WNK3: variants seen among roughly 807,000 people sequenced by gnomAD.
WNK3 encodes WNK lysine deficient protein kinase 3, also known as serine/threonine-protein kinase WNK3.
A neutral mutation model predicts 116.7 loss-of-function variants in WNK3; 18 were observed. The ratio of observed to expected loss-of-function variants is 0.15; its 90% CI spans 0.11 to 0.23. The LOEUF is 0.23. Among genes scored for constraint, WNK3 ranks in the 10% least tolerant of loss-of-function variants. The pLI, the probability that WNK3 is intolerant of heterozygous loss-of-function variation, is 1.00. For synonymous variants in WNK3, 404 were observed against 469.4 expected (o/e 0.86, Z 1.80); for missense variants, 993 against 1,323.8 (o/e 0.75, Z 3.88).
At chrX:54,247,824 G>T (rs1382144987) in intron 17 of WNK3, among the ~76,000 whole-genome samples, 1 of 111,585 alleles carries the variant, frequency 9.0e-6, no homozygotes, top group Non-Finnish European at 1.9e-5. Context: ...AATGTTATAT[G>T]TATGTAAATA....
intron 7 of WNK3, among the ~76,000 whole-genome samples, chrX:54,295,641 A>G (rs782437255): frequency 3.6e-5 from 4 of 111,877 alleles, no homozygotes; most frequent in Non-Finnish European, 7.5e-5. Context: ...AGCACGCTGC[A>G]TCTCTGAAGG....
At chrX:54,303,525 C>T (rs2068790731) in intron 5 of WNK3, among the ~76,000 whole-genome samples, 1 of 110,874 alleles carries the variant, frequency 9.0e-6, no homozygotes, top group Non-Finnish European at 1.9e-5. Context: ...GTCATGCTAC[C>T]TCAAAAGACA....
intron 17 of WNK3, among the ~76,000 whole-genome samples, chrX:54,245,156 G>C: frequency 9.6e-6 from 1 of 103,940 alleles, no homozygotes; most frequent in Middle Eastern, 4.8e-3. Flanking sequence ...GTGTGTGTGT[G>C]TGTGTGTGTG....
chrX:54,253,473 C>T (rs782605230), intron 13 of WNK3, among the ~76,000 whole-genome samples: 6 of 110,806 alleles, frequency 5.4e-5, no homozygotes, highest in Non-Finnish European at 7.6e-5. Context: ...CACTACATTG[C>T]CTAGGCTGGT....
chrX:54,250,979 A>AT (rs1183688150), intron 15 of WNK3, among the ~76,000 whole-genome samples: 1 of 111,903 alleles, frequency 8.9e-6, no homozygotes, highest in African/African-American at 3.2e-5. Flanking sequence ...AAGTAGAAGC[A>AT]TATCATTCAT....
chrX:54,238,884 T>G (rs2067991786), exon 18 of WNK3: 1 of 1,179,052 alleles, frequency 8.5e-7, no homozygotes, highest in African/African-American at 1.8e-5. Flanking sequence ...GGACTTTTGA[T>G]CTCTTGAAAA....
At chrX:54,238,769 T>C (rs2067990486) in intron 18 of WNK3, 99 bp downstream of exon 18, 1 of 655,805 alleles carries the variant, frequency 1.5e-6, no homozygotes, top group African/African-American at 2.3e-5. Context: ...ACATGGGCTA[T>C]GTGGAAAAAG....
intron 10 of WNK3, 92 bp downstream of exon 10, chrX:54,292,796 T>C: frequency 1.1e-6 from 1 of 922,994 alleles, no homozygotes; most frequent in Non-Finnish European, 1.5e-6. Flanking sequence ...TAAACTATAA[T>C]GAATTTATAA....
At chrX:54,216,087 C>T (rs1285542391) in intron 22 of WNK3, among the ~76,000 whole-genome samples, 3 of 109,392 alleles carry the variant, frequency 2.7e-5, no homozygotes, top group African/African-American at 9.9e-5. Flanking sequence ...GCAGCATGCT[C>T]GTTAAGAGTC....
intron 22 of WNK3, among the ~76,000 whole-genome samples, chrX:54,216,829 T>C (rs1184059892): frequency 8.9e-6 from 1 of 112,055 alleles, no homozygotes; most frequent in Non-Finnish European, 1.9e-5. Context: ...CTAGCCCAGG[T>C]GTGAACCTTG....
intron 10 of WNK3, among the ~76,000 whole-genome samples, chrX:54,284,375 A>G (rs1557163447): frequency 9.0e-6 from 1 of 111,630 alleles, no homozygotes; most frequent in East Asian, 2.8e-4. Flanking sequence ...GAATAACTAA[A>G]ATTAAAAATG....
intron 17 of WNK3, among the ~76,000 whole-genome samples, chrX:54,242,534 A>G (rs1303809673): frequency 1.2e-4 from 13 of 112,704 alleles, no homozygotes; most frequent in African/African-American, 4.2e-4. Flanking sequence ...CTATAAAACT[A>G]CAGTAATCAA....
At chrX:54,295,263 C>T (rs2068686273) in intron 7 of WNK3, among the ~76,000 whole-genome samples, 2 of 109,167 alleles carry the variant, frequency 1.8e-5, no homozygotes, top group Non-Finnish European at 3.8e-5. Context: ...AACAGTTAAT[C>T]TGTTTCTATA....
Position 54,311,006 on chromosome X carries a change from C to A in WNK3, c.710+113G>T, listed in dbSNP as rs1186889368. On this transcript the variant is annotated intron_variant, in intron 3 of 23. Coordinates refer to ENST00000354646, the Ensembl canonical transcript of WNK3. ...GCTGGGATTACAGGTGTAGCCACTG[C>A]GCCTGGCCAGATTCTAAAAATTCTT... 8 of 539,296 alleles carry A rather than the reference C, an allele frequency of 1.5e-5. No individual in the cohort carries two copies. In the Admixed American group the frequency reaches 1.9e-4, roughly 13 times the overall value. 44.4% of individuals were successfully genotyped at this position (539,296 alleles called of 1,213,427 possible). A position where few individuals can be genotyped will look rare whatever the true frequency, so the allele number is the denominator to read the frequency against.
At chrX:54,281,646 T>C (rs2068517279) in intron 10 of WNK3, among the ~76,000 whole-genome samples, 1 of 111,935 alleles carries the variant, frequency 8.9e-6, no homozygotes, top group Non-Finnish European at 1.9e-5. Flanking sequence ...TTGATATTTA[T>C]AGATTCCACA....
chrX:54,213,130 G>A (rs1221553799), intron 22 of WNK3, among the ~76,000 whole-genome samples: 1 of 110,212 alleles, frequency 9.1e-6, no homozygotes, highest in Non-Finnish European at 1.9e-5. Flanking sequence ...ACAGGTGTGC[G>A]CTACCATGAC....
intron 10 of WNK3, among the ~76,000 whole-genome samples, chrX:54,259,818 T>C (rs1603384058): frequency 1.8e-5 from 2 of 111,786 alleles, no homozygotes; most frequent in African/African-American, 6.5e-5. Context: ...CAACATTGGC[T>C]TCCAGGAGAA....
chrX:54,334,646 T>C, intron 1 of WNK3, among the ~76,000 whole-genome samples: 1 of 110,629 alleles, frequency 9.0e-6, no homozygotes, highest in Non-Finnish European at 1.9e-5. Flanking sequence ...ACCTTTTGAC[T>C]ATTGTGAATG....
At chrX:54,304,171 G>A (rs2068797605) in intron 5 of WNK3, among the ~76,000 whole-genome samples, 1 of 110,613 alleles carries the variant, frequency 9.0e-6, no homozygotes, top group Non-Finnish European at 1.9e-5. Flanking sequence ...CAAATCTCAG[G>A]CATCACGTCA....
Sources: allele counts gnomAD v4.1 joint callset (sites outside exome capture counted in the v4.1 genomes callset), GRCh38; gene constraint gnomAD v4.1.1; transcripts MANE v1.5; gene names NCBI Gene and HGNC (gene_info 2026-07-23, HGNC 2026-07-21).